VPS50: variants seen among roughly 807,000 people sequenced by gnomAD.
VPS50 encodes the protein syndetin.
Under a neutral mutation model 139.7 loss-of-function variants are expected in VPS50, and 70 were observed. That is an observed-to-expected ratio of 0.50 (90% confidence interval 0.41 to 0.61). VPS50 has a LOEUF of 0.61. Among genes scored for constraint, VPS50 ranks in the 20% least tolerant of loss-of-function variants. The pLI, the probability that VPS50 is intolerant of heterozygous loss-of-function variation, is 0.00. For missense variants in VPS50, 921 were observed against 1,133.7 expected (o/e 0.81, Z 2.69); for synonymous variants, 365 against 376.7 (o/e 0.97, Z 0.36).
chr7:93,260,218 G>A (rs552598814), intron 9 of VPS50, among the ~76,000 whole-genome samples: 1 of 152,084 alleles, frequency 6.6e-6, no homozygotes, highest in Non-Finnish European at 1.5e-5. Flanking sequence ...TTTATTAATA[G>A]CATTTTGGTT....
intron 16 of VPS50, among the ~76,000 whole-genome samples, chr7:93,300,142 G>C (rs1444420963): frequency 6.6e-6 from 1 of 152,002 alleles, no homozygotes; most frequent in Non-Finnish European, 1.5e-5. Context: ...ACAAAACATA[G>C]AAAATGTGAA....
intron 16 of VPS50, among the ~76,000 whole-genome samples, chr7:93,300,301 CTCTT>C (rs1477264002): frequency 6.6e-6 from 1 of 152,088 alleles, no homozygotes; most frequent in African/African-American, 2.4e-5. Context: ...ACCAATACAA[CTCTT>C]TCATAGAATA....
At chr7:93,252,450 G>A (rs1255991301) in intron 2 of VPS50, among the ~76,000 whole-genome samples, 1 of 152,004 alleles carries the variant, frequency 6.6e-6, no homozygotes, top group Non-Finnish European at 1.5e-5. Context: ...ATTCAAACTG[G>A]CTAGTTTTCT....
In VPS50 at chr7:93,294,572, A is replaced by G; in HGVS notation, c.1103A>G (p.Glu368Gly). Residue 368 changes from glutamate (E) to glycine (G), a missense_variant, in exon 14 of 28, where the codon GAA (glutamate) becomes GGA (glycine). Transcript: ENST00000305866. ...GGGAGTAATATGATAGGTACTGAAG[A>G]AACTAATTTTGATCGTGGCTACATA... ...SEGSNMIGTE[E>G]TNFDRGYIKK... 1 of 1,597,194 alleles carries G rather than the reference A, an allele frequency of 6.3e-7. No individual in the cohort carries two copies. Among genetic ancestry groups the G allele is most frequent in the South Asian group, 1.1e-5 (1 of 87,048 alleles).
chr7:93,318,442 T>C (rs746312858), intron 20 of VPS50, among the ~76,000 whole-genome samples: 21 of 151,982 alleles, frequency 1.4e-4, no homozygotes, highest in African/African-American at 4.1e-4. Flanking sequence ...GCCTCTTTTA[T>C]AGCTTTTCCA....
chr7:93,279,982 A>G (rs1294742956), intron 12 of VPS50, among the ~76,000 whole-genome samples: 1 of 151,960 alleles, frequency 6.6e-6, no homozygotes, highest in East Asian at 1.9e-4. Context: ...GTGAAATTGA[A>G]CTAATTAAAA....
At position 93,239,733 on chromosome 7, in the gene VPS50, A is replaced by G. The variant is rs143782377; in HGVS notation, c.34-133A>G. 171 of 542,298 alleles carry G rather than the reference A, an allele frequency of 3.2e-4. 1 individual carries two copies. In the East Asian group the frequency reaches 4.8e-3, roughly 15 times the overall value. The allele number at this position is 542,298 out of a possible 1,614,324, so 33.6% of individuals were successfully genotyped here. Reference sequence around the variant, plus strand: ...GTATTAAATGATGATTGCTTTTAGAATATATCTTCCATATTTTGAAGCAGG... The same window carrying G: ...GTATTAAATGATGATTGCTTTTAGAGTATATCTTCCATATTTTGAAGCAGG... On this transcript the variant is annotated intron_variant, in intron 1 of 27. Coordinates refer to ENST00000305866, the MANE Select transcript of VPS50 (RefSeq NM_017667.4).
intron 23 of VPS50, among the ~76,000 whole-genome samples, chr7:93,342,328 T>C (rs550140662): frequency 2.6e-5 from 4 of 152,324 alleles, no homozygotes; most frequent in Admixed American, 2.6e-4. Flanking sequence ...GAGGGTCCCA[T>C]GCCCACGAAG....
intron 20 of VPS50, chr7:93,320,701 A>G (rs1326703414): frequency 6.6e-6 from 1 of 152,082 alleles, no homozygotes; most frequent in Non-Finnish European, 1.5e-5. Flanking sequence ...AAGGGTTTCT[A>G]TTTTGTTTTA....
chr7:93,280,876 A>G (rs1796305503), intron 12 of VPS50, among the ~76,000 whole-genome samples: 1 of 152,144 alleles, frequency 6.6e-6, no homozygotes, highest in Admixed American at 6.5e-5. Flanking sequence ...AATATATGCT[A>G]TGTAAAAATA....
At position 93,253,693 on chromosome 7, in the gene VPS50, T is replaced by C. The variant is rs180888268; in HGVS notation, c.226-167T>C. Among the ~76,000 whole-genome samples, 22 of 152,178 alleles carry C rather than the reference T, an allele frequency of 1.4e-4. No individual in the cohort carries two copies. The East Asian group carries it at 3.5e-3, about 24-fold the overall frequency. ...ACTAAAGATGTATAGGCTTTTGTGG[T>C]TGGAACCTAGGAGGGAGGTTGGGAG... On this transcript the variant is annotated intron_variant, in intron 3 of 27. Transcript: ENST00000305866.
intron 19 of VPS50, 68 bp downstream of exon 19, chr7:93,309,010 T>A: frequency 2.5e-6 from 2 of 787,554 alleles, no homozygotes; most frequent in Non-Finnish European, 4.2e-6. Context: ...GGATTTCCTT[T>A]AAGGTTAAGA....
chr7:93,254,544 G>C (rs1795431079), intron 4 of VPS50, among the ~76,000 whole-genome samples: 1 of 152,142 alleles, frequency 6.6e-6, no homozygotes, highest in Non-Finnish European at 1.5e-5. Context: ...TGGAATTAGA[G>C]CCGCAAGCCA....
At chr7:93,260,563 A>G (rs1050376803) in intron 9 of VPS50, among the ~76,000 whole-genome samples, 2 of 152,172 alleles carry the variant, frequency 1.3e-5, no homozygotes, top group African/African-American at 4.8e-5. Flanking sequence ...ATCTCATATT[A>G]CAAGTCTTTG....
chr7:93,357,300 AT>A (rs746917442), intron 27 of VPS50, among the ~76,000 whole-genome samples: 4 of 151,704 alleles, frequency 2.6e-5, no homozygotes, highest in Admixed American at 1.3e-4. Flanking sequence ...TAGTAGACTG[AT>A]TTTTTTTTAA....
At chr7:93,281,839 A>T (rs746295034) in intron 12 of VPS50, among the ~76,000 whole-genome samples, 1 of 152,248 alleles carries the variant, frequency 6.6e-6, no homozygotes, top group Admixed American at 6.5e-5. Flanking sequence ...TTTAATGTGT[A>T]TATAAGCTGA....
chr7:93,254,003 G>A, intron 4 of VPS50, 72 bp downstream of exon 4: 1 of 729,012 alleles, frequency 1.4e-6, no homozygotes, highest in Non-Finnish European at 2.3e-6. Context: ...TATAATGTTT[G>A]CAGATTTATG....
chr7:93,287,606 C>G (rs1318607874), intron 12 of VPS50, among the ~76,000 whole-genome samples: 1 of 151,996 alleles, frequency 6.6e-6, no homozygotes, highest in Non-Finnish European at 1.5e-5. Context: ...ATATGACTAA[C>G]ATTGCCTTTT....
chr7:93,271,293 G>A (rs781087648), intron 10 of VPS50, 31 bp downstream of exon 10: 2 of 1,501,578 alleles, frequency 1.3e-6, no homozygotes, highest in Admixed American at 2.6e-5. Flanking sequence ...ACCTTAATGA[G>A]TTTTTCTTTT....
Sources: gnomAD v4.1 joint callset for allele counts (sites outside exome capture counted in the v4.1 genomes callset) on GRCh38, gnomAD v4.1.1 for gene constraint, MANE v1.5 for transcripts, NCBI Gene and HGNC (gene_info 2026-07-23, HGNC 2026-07-21) for gene names.